The following EXOC6 variants were observed in gnomAD, a reference collection of about 807,000 sequenced individuals.
EXOC6 encodes exocyst complex component 6.
Under a neutral mutation model 112.5 loss-of-function variants are expected in EXOC6, and 60 were observed. That is an observed-to-expected ratio of 0.53 (90% CI 0.43 to 0.66). The LOEUF (loss-of-function observed/expected upper bound fraction) is 0.66. EXOC6 is among the 30% of genes least tolerant of loss of function. The pLI, the probability that EXOC6 is intolerant of heterozygous loss-of-function variation, is 0.00. For missense variants in EXOC6, 855 were observed against 957.1 expected, an observed-to-expected ratio of 0.89 and a Z score of 1.41; for synonymous variants, 295 against 308.0, an observed-to-expected ratio of 0.96 and a Z score of 0.44.
chr10:92,966,012 C>T (rs1842033387), intron 17 of EXOC6, among the ~76,000 whole-genome samples: 1 of 151,878 alleles, frequency 6.6e-6, no homozygotes. Flanking sequence ...CATTAATAAA[C>T]CTTAAAAAAT....
intron 20 of EXOC6, among the ~76,000 whole-genome samples, chr10:93,029,687 GA>G: frequency 6.6e-6 from 1 of 152,196 alleles, no homozygotes; most frequent in Admixed American, 6.5e-5. Flanking sequence ...TCCTGTTTAA[GA>G]AATCTTTGCC....
In EXOC6 at chr10:93,050,759, C is replaced by CAAAAAAAA. The variant is rs58439083; in HGVS notation, c.2170-6150_2170-6143dup. Among the ~76,000 whole-genome samples, 219 of 37,300 alleles carry CAAAAAAAA rather than the reference C, an allele frequency of 5.9e-3. 65 individuals are homozygous for CAAAAAAAA. Among genetic ancestry groups the CAAAAAAAA allele is most frequent in the African/African-American group, 0.016 (153 of 9,324 alleles). The allele number at this position is 37,300 out of a possible 152,430, so 24.5% of individuals were successfully genotyped here. A position where few individuals can be genotyped will look rare whatever the true frequency, so the allele number is the denominator to read the frequency against. ...TGGGCAACAAAGCGAGACTCCGTCTCAAAAAAAAAAAAAAAAAAAAAAGAA... is the reference window on the plus strand; with the variant it reads ...TGGGCAACAAAGCGAGACTCCGTCTCAAAAAAAAAAAAAAAAAAAAAAAAAAAAAAGAA... On this transcript the variant is annotated intron_variant, in intron 20 of 21. Coordinates refer to ENST00000260762, the MANE Select transcript of EXOC6 (RefSeq NM_019053.6).
chr10:92,839,458 G>A (rs1288365700), intron 1 of EXOC6, among the ~76,000 whole-genome samples: 1 of 152,194 alleles, frequency 6.6e-6, no homozygotes, highest in East Asian at 1.9e-4. Context: ...TCAATGCATT[G>A]GGAATGGTTG....
chr10:92,848,606 G>C lies in EXOC6; in HGVS notation c.73G>C (p.Asp25His), dbSNP rs1205476188. 3 of 1,448,106 alleles carry C rather than the reference G, an allele frequency of 2.1e-6. No homozygotes were observed. Among genetic ancestry groups the C allele is most frequent in the Non-Finnish European group, 2.8e-6 (3 of 1,083,520 alleles). The allele number at this position is 1,448,106 out of a possible 1,614,324, so 89.7% of individuals were successfully genotyped here. A position where few individuals can be genotyped will look rare whatever the true frequency, so the allele number is the denominator to read the frequency against. Residue 25 changes from aspartate to histidine, a missense_variant, in exon 1 of 22, where the codon GAC becomes CAC. By Grantham distance (81) the Asp-to-His change is moderately conservative. This residue lies in a region of EXOC6 where 405 missense variants were observed against 393.6 expected (regional missense o/e 1.03). Transcript: ENST00000260762. ...ERILQEIEST[D>H]TACVGPTLRS... ...GATCTTGCAGGAGATCGAGAGCACC[G>C]ACACCGCCTGTGTGGGGCCCACCCT...
At chr10:92,980,273 C>G (rs1842780696) in intron 18 of EXOC6, among the ~76,000 whole-genome samples, 1 of 152,178 alleles carries the variant, frequency 6.6e-6, no homozygotes, top group Admixed American at 6.5e-5. Flanking sequence ...GTTGCTTAAT[C>G]TCTCTGAGCC....
At chr10:92,915,059 C>T (rs1011717040) in intron 6 of EXOC6, among the ~76,000 whole-genome samples, 1 of 152,158 alleles carries the variant, frequency 6.6e-6, no homozygotes, top group African/African-American at 2.4e-5. Context: ...TTAGTCTTCA[C>T]AAACTGTGGG....
At chr10:92,929,560 A>G (rs1291345890) in intron 9 of EXOC6, among the ~76,000 whole-genome samples, 1 of 152,358 alleles carries the variant, frequency 6.6e-6, no homozygotes, top group African/African-American at 2.4e-5. Context: ...ATTATTAGCC[A>G]TAGAGTATAT....
intron 1 of EXOC6, among the ~76,000 whole-genome samples, chr10:92,890,688 C>T (rs568360468): frequency 1.9e-4 from 28 of 151,264 alleles, no homozygotes; most frequent in African/African-American, 6.6e-4. Flanking sequence ...CTATCTATCT[C>T]TGTGTCTGGT....
At chr10:92,958,524 C>T (rs1853816325) in intron 17 of EXOC6, among the ~76,000 whole-genome samples, 1 of 152,138 alleles carries the variant, frequency 6.6e-6, no homozygotes, top group Non-Finnish European at 1.5e-5. Flanking sequence ...GTAGCAAAGC[C>T]TTTTAGGATT....
intron 20 of EXOC6, among the ~76,000 whole-genome samples, chr10:93,025,413 A>G (rs1189009154): frequency 6.6e-6 from 1 of 152,186 alleles, no homozygotes; most frequent in Non-Finnish European, 1.5e-5. Context: ...GTCATATGAG[A>G]AGCCATTTTT....
chr10:92,980,832 A>G (rs1029492771), intron 18 of EXOC6, among the ~76,000 whole-genome samples: 2 of 152,136 alleles, frequency 1.3e-5, no homozygotes, highest in African/African-American at 4.8e-5. Flanking sequence ...AAGTATAAAG[A>G]AGGAGGCAAA....
intron 1 of EXOC6, among the ~76,000 whole-genome samples, chr10:92,884,704 CT>C (rs1366897052): frequency 6.6e-6 from 1 of 152,062 alleles, no homozygotes; most frequent in African/African-American, 2.4e-5. Flanking sequence ...ATTTTATTTT[CT>C]TCACAGTTGT....
chr10:93,000,676 T>A (rs561927893), intron 19 of EXOC6, among the ~76,000 whole-genome samples: 182 of 152,324 alleles, frequency 1.2e-3, no homozygotes, highest in African/African-American at 4.2e-3. Context: ...TACTTCTTAA[T>A]ACTTCTGTAT....
rs1239634366 is a variant in EXOC6 at position 93,014,190 on chromosome 10, A to C, written c.2096-4A>C. Reference sequence around the variant, plus strand: ...TTATTCTTTTTTTTTCTTTCTTTTAATAGTGTTTGCCAGCTCTGAGCCTGT... The same window carrying C: ...TTATTCTTTTTTTTTCTTTCTTTTACTAGTGTTTGCCAGCTCTGAGCCTGT... On this transcript the variant is annotated splice_region_variant and splice_polypyrimidine_tract_variant and intron_variant, in intron 19 of 21. Coordinates refer to ENST00000260762, the MANE Select transcript of EXOC6 (RefSeq NM_019053.6). 1 of 1,609,282 alleles carries C rather than the reference A, an allele frequency of 6.2e-7. No homozygotes were observed.
At chr10:92,973,269 G>C (rs1006758588) in intron 17 of EXOC6, among the ~76,000 whole-genome samples, 1 of 152,332 alleles carries the variant, frequency 6.6e-6, no homozygotes, top group African/African-American at 2.4e-5. Flanking sequence ...CAAGCTATAG[G>C]TTTCCACCAG....
At chr10:93,042,287 C>T (rs1034881614) in intron 20 of EXOC6, among the ~76,000 whole-genome samples, 2 of 152,188 alleles carry the variant, frequency 1.3e-5, no homozygotes, top group African/African-American at 4.8e-5. Flanking sequence ...TCATCTAAGA[C>T]AGCTGCTTAG....
At chr10:92,844,299 C>T (rs1057491199), upstream of EXOC6, among the ~76,000 whole-genome samples, 21 of 152,184 alleles carry the variant, frequency 1.4e-4, no homozygotes, top group African/African-American at 7.2e-5. Flanking sequence ...ATACAGGCAT[C>T]GTCCCTGTGC....
chr10:92,997,690 C>T, intron 19 of EXOC6, 75 bp downstream of exon 19: 2 of 1,328,688 alleles, frequency 1.5e-6, no homozygotes, highest in Admixed American at 4.8e-5. Flanking sequence ...ATGTATTTAG[C>T]AGGATAGTTC....
intron 20 of EXOC6, among the ~76,000 whole-genome samples, chr10:93,029,258 A>G (rs748383355): frequency 6.6e-6 from 1 of 152,350 alleles, no homozygotes; most frequent in Non-Finnish European, 1.5e-5. Flanking sequence ...TAGTGTAAAC[A>G]TAACTTTCAT....
Sources: gnomAD v4.1 joint callset for allele counts (sites outside exome capture counted in the v4.1 genomes callset) on GRCh38, gnomAD v4.1.1 for gene constraint, gnomAD v4.1.1 regional missense constraint, MANE v1.5 for transcripts, NCBI Gene and HGNC (gene_info 2026-07-23, HGNC 2026-07-21) for gene names.